FAM135B: variants seen among roughly 807,000 people sequenced by gnomAD.
FAM135B encodes the protein family with sequence similarity 135 member B.
In FAM135B, 43 loss-of-function variants were observed where a neutral mutation model predicts 127.7. The ratio of observed to expected loss-of-function variants is 0.34; its 90% CI spans 0.26 to 0.43. The LOEUF (loss-of-function observed/expected upper bound fraction) is 0.43, where lower values mean the gene tolerates loss of function less well. Ranked by LOEUF, FAM135B falls within the 20% of genes least tolerant of loss-of-function variation. The pLI is 1.00. For missense variants in FAM135B, 1,558 were observed against 1,725.6 expected, an observed-to-expected ratio of 0.90 and a Z score of 1.72; for synonymous variants, 670 against 665.1, an observed-to-expected ratio of 1.01 and a Z score of -0.11.
At position 138,493,493 on chromosome 8, in the gene FAM135B, G is replaced by A. The variant is rs1035312805; in HGVS notation, c.-20+3178C>T. ...ATCATTTGCAAATTACAGATATTAC[G>A]TATTGAGTGCCTGGCATGGCATTTT... On this transcript the variant is annotated intron_variant, in intron 1 of 19. Transcript: ENST00000395297. Among the ~76,000 whole-genome samples, 7 of 152,108 alleles carry A rather than the reference G, an allele frequency of 4.6e-5. No individual in the cohort carries two copies. In the South Asian group the frequency reaches 8.3e-4, roughly 18 times the overall value.
intron 4 of FAM135B, among the ~76,000 whole-genome samples, chr8:138,257,475 G>C (rs1481064323): frequency 1.3e-5 from 2 of 151,906 alleles, no homozygotes; most frequent in Non-Finnish European, 2.9e-5. Context: ...TATACACCTG[G>C]AAGATGGTAC....
intron 1 of FAM135B, among the ~76,000 whole-genome samples, chr8:138,369,632 G>C (rs576567240): frequency 4.7e-4 from 71 of 152,256 alleles, no homozygotes; most frequent in Admixed American, 3.9e-4. Flanking sequence ...CCAATGAAGA[G>C]CCATGGAGGT....
In FAM135B at chr8:138,489,527, T is replaced by C. The variant is rs1485723608; in HGVS notation, c.-20+7144A>G. ...TTACTTTTCTCCAATGCATTCTTTA[T>C]ATTGCAACCAGAATGGACCATTCCA... On this transcript the variant is annotated intron_variant, in intron 1 of 19. Transcript: ENST00000395297. Among the ~76,000 whole-genome samples, 3 of 152,334 alleles carry C rather than the reference T, an allele frequency of 2.0e-5. 1 individual carries two copies. The South Asian group carries it at 6.2e-4, about 32-fold the overall frequency.
At position 138,373,736 on chromosome 8, in the gene FAM135B, T is replaced by C. The variant is rs369339484; in HGVS notation, c.-19-5734A>G. ...TGCCCCTGAGGGTGAGTCTCTAAAA[T>C]GGCCCCCTTGGGTGTGGCCGTCTTC... On this transcript the variant is annotated intron_variant, in intron 1 of 19. Transcript: ENST00000395297. Among the ~76,000 whole-genome samples, 89 of 152,204 alleles carry C rather than the reference T, an allele frequency of 5.8e-4. 1 individual carries two copies. The highest frequency in any genetic ancestry group is 1.1e-3 in the Admixed American group (17 of 15,270).
At chr8:138,290,446 T>A (rs1706515186) in intron 3 of FAM135B, among the ~76,000 whole-genome samples, 1 of 152,194 alleles carries the variant, frequency 6.6e-6, no homozygotes, top group South Asian at 2.1e-4. Flanking sequence ...TGTCTATCTT[T>A]AACTTTTGCC....
intron 1 of FAM135B, among the ~76,000 whole-genome samples, chr8:138,417,720 G>A (rs1203633685): frequency 1.3e-5 from 2 of 152,102 alleles, no homozygotes; most frequent in Non-Finnish European, 2.9e-5. Context: ...CTAAGCCTTG[G>A]ACCCCTGAAA....
chr8:138,174,982 C>G (rs539447740), intron 11 of FAM135B, among the ~76,000 whole-genome samples: 2 of 152,302 alleles, frequency 1.3e-5, no homozygotes, highest in Admixed American at 6.5e-5. Context: ...CTAACTAACA[C>G]AGTCAACACT....
chr8:138,191,490 C>T lies in FAM135B; in HGVS notation c.873+3768G>A, dbSNP rs543328664. On this transcript the variant is annotated intron_variant, in intron 9 of 19. Coordinates refer to ENST00000395297, the MANE Select transcript of FAM135B (RefSeq NM_015912.4). ...CCATCCATTCATTCTAGCATTTATT[C>T]GGAGCTTCTAGGTGCCAGGAGCCCT... Among the ~76,000 whole-genome samples, 27 of 152,212 alleles carry T rather than the reference C, an allele frequency of 1.8e-4. 1 individual carries two copies. The highest frequency in any genetic ancestry group is 6.3e-4 in the African/African-American group (26 of 41,530).
intron 1 of FAM135B, among the ~76,000 whole-genome samples, chr8:138,486,961 C>A (rs778162437): frequency 2.6e-5 from 4 of 151,682 alleles, no homozygotes; most frequent in Non-Finnish European, 5.9e-5. Flanking sequence ...TTTCAGTTTT[C>A]TTTTCTTTTT....
intron 3 of FAM135B, among the ~76,000 whole-genome samples, chr8:138,281,587 C>T (rs1469439011): frequency 6.6e-6 from 1 of 152,072 alleles, no homozygotes; most frequent in Non-Finnish European, 1.5e-5. Context: ...TTCCACTCCT[C>T]CCCCTTGAAA....
At chr8:138,134,161 T>TC (rs75977783) in intron 19 of FAM135B, among the ~76,000 whole-genome samples, 22,939 of 152,152 alleles carry the variant, frequency 0.15, 2,223 homozygotes, top group African/African-American at 0.26. Flanking sequence ...ATCAGAGGAA[T>TC]AGTTAAGTAA....
At chr8:138,432,225 A>C (rs1415972797) in intron 1 of FAM135B, among the ~76,000 whole-genome samples, 2 of 152,226 alleles carry the variant, frequency 1.3e-5, no homozygotes, top group African/African-American at 4.8e-5. Context: ...ATGTTCCTTT[A>C]TAAAACGTGT....
intron 1 of FAM135B, among the ~76,000 whole-genome samples, chr8:138,426,210 C>G (rs1834883007): frequency 6.7e-6 from 1 of 149,306 alleles, no homozygotes; most frequent in Non-Finnish European, 1.5e-5. Flanking sequence ...AAATATTGTA[C>G]CAAGGAAGAC....
chr8:138,327,856 G>C (rs1270576947), intron 2 of FAM135B, among the ~76,000 whole-genome samples: 1 of 152,182 alleles, frequency 6.6e-6, no homozygotes, highest in Admixed American at 6.5e-5. Context: ...TAGAAGACAG[G>C]AGTTGATTTA....
chr8:138,207,409 C>T (rs1430310522), intron 7 of FAM135B, among the ~76,000 whole-genome samples: 1 of 151,954 alleles, frequency 6.6e-6, no homozygotes, highest in Non-Finnish European at 1.5e-5. Context: ...GGAGTTTCAT[C>T]ATGTTGGTCA....
chr8:138,376,000 T>C (rs1032936949), intron 1 of FAM135B, among the ~76,000 whole-genome samples: 1 of 152,148 alleles, frequency 6.6e-6, no homozygotes, highest in African/African-American at 2.4e-5. Context: ...TTGTTTTGTT[T>C]TGTTTTGTTT....
chr8:138,174,594 C>A (rs543743888), intron 11 of FAM135B, among the ~76,000 whole-genome samples: 1 of 152,180 alleles, frequency 6.6e-6, no homozygotes, highest in Non-Finnish European at 1.5e-5. Context: ...AGTAGTATCT[C>A]GCTTATCTTA....
At chr8:138,443,149 G>A (rs1302568688) in intron 1 of FAM135B, among the ~76,000 whole-genome samples, 1 of 152,090 alleles carries the variant, frequency 6.6e-6, no homozygotes, top group African/African-American at 2.4e-5. Flanking sequence ...GATCCACCCT[G>A]ATGCCAGGCC....
At chr8:138,182,548 G>A (rs1283153931) in intron 9 of FAM135B, among the ~76,000 whole-genome samples, 1 of 152,166 alleles carries the variant, frequency 6.6e-6, no homozygotes, top group East Asian at 1.9e-4. Flanking sequence ...GCCGAGCTCT[G>A]GGGAGCCAAA....
Sources: allele counts gnomAD v4.1 joint callset (sites outside exome capture counted in the v4.1 genomes callset), GRCh38; gene constraint gnomAD v4.1.1; transcripts MANE v1.5; gene names NCBI Gene and HGNC (gene_info 2026-07-23, HGNC 2026-07-21).